Variants in ACCSL observed in about 807,000 individuals in gnomAD.
The protein encoded by ACCSL is probable inactive 1-aminocyclopropane-1-carboxylate synthase-like protein 2.
A neutral mutation model predicts 61.7 loss-of-function variants in ACCSL; 55 were observed. The observed-to-expected ratio is 0.89, with a 90% confidence interval of 0.72 to 1.12. The LOEUF (loss-of-function observed/expected upper bound fraction) is 1.12, where lower values mean the gene tolerates loss of function less well. Ranked by LOEUF, ACCSL falls within the 50% of genes most tolerant of loss-of-function variation. The pLI is 0.00. For synonymous variants in ACCSL, 258 were observed against 264.3 expected (o/e 0.98, Z 0.23); for missense variants, 632 against 698.0 (o/e 0.91, Z 1.07).
chr11:44,049,980 T>C (rs1344851336), intron 1 of ACCSL, 82 bp from the exon 2 acceptor site: 1 of 1,574,842 alleles, frequency 6.3e-7, no homozygotes, highest in African/African-American at 1.3e-5. Flanking sequence ...CAGTGAGATC[T>C]CCATTTGAAC....
chr11:44,004,544 T>C, the ACCSL span, among the ~76,000 whole-genome samples: 1 of 152,158 alleles, frequency 6.6e-6, no homozygotes, highest in African/African-American at 2.4e-5. Flanking sequence ...CTCAAGGGCA[T>C]GTACCTAGCT....
the ACCSL span, among the ~76,000 whole-genome samples, chr11:44,042,646 G>C: frequency 6.8e-6 from 1 of 147,370 alleles, no homozygotes; most frequent in African/African-American, 2.6e-5. Context: ...TGTTTGTTTT[G>C]TTTGTTTTTT....
the ACCSL span, among the ~76,000 whole-genome samples, chr11:43,970,791 T>C: frequency 6.6e-6 from 1 of 152,116 alleles, no homozygotes; most frequent in Non-Finnish European, 1.5e-5. Context: ...CTATCATGAG[T>C]TATATTGAGG....
upstream of ACCSL, among the ~76,000 whole-genome samples, chr11:44,047,190 G>A (rs977599751): frequency 1.3e-5 from 2 of 152,144 alleles, no homozygotes; most frequent in African/African-American, 2.4e-5. Flanking sequence ...GGACTTCAAA[G>A]TTTGAGAGCC....
At chr11:44,040,575 C>T in the ACCSL span, among the ~76,000 whole-genome samples, 1 of 152,136 alleles carries the variant, frequency 6.6e-6, no homozygotes, top group Non-Finnish European at 1.5e-5. Context: ...GTGGTAAACA[C>T]ATTCAGTGAG....
the ACCSL span, among the ~76,000 whole-genome samples, chr11:44,013,145 C>A: frequency 6.6e-6 from 1 of 152,074 alleles, no homozygotes; most frequent in East Asian, 1.9e-4. Flanking sequence ...AGAAAGAAGT[C>A]CAAGATACAC....
At chr11:43,926,638 T>G in the ACCSL span, 1 of 321,994 alleles carries the variant, frequency 3.1e-6, no homozygotes, top group Non-Finnish European at 6.2e-6. Flanking sequence ...AAAATTAGTT[T>G]TTTCTCCTTA....
At chr11:43,932,697 C>T in the ACCSL span, among the ~76,000 whole-genome samples, 2 of 152,252 alleles carry the variant, frequency 1.3e-5, no homozygotes, top group Non-Finnish European at 1.5e-5. Flanking sequence ...CAGGTGTCCT[C>T]AGCACCCACA....
chr11:44,045,576 C>A (rs1231875230), upstream of ACCSL, among the ~76,000 whole-genome samples: 1 of 152,132 alleles, frequency 6.6e-6, no homozygotes, highest in Non-Finnish European at 1.5e-5. Context: ...CTACTTTAAA[C>A]AAGTTTCCTC....
chr11:43,959,675 T>G, the ACCSL span, among the ~76,000 whole-genome samples: 1 of 152,190 alleles, frequency 6.6e-6, no homozygotes, highest in Non-Finnish European at 1.5e-5. Context: ...TCTCCTTCCC[T>G]GAGGGCCCTC....
upstream of ACCSL, among the ~76,000 whole-genome samples, chr11:44,047,432 C>A (rs1952605767): frequency 6.6e-6 from 1 of 152,168 alleles, no homozygotes; most frequent in Admixed American, 6.5e-5. Context: ...ATATTTTAGG[C>A]TTCGTGGACC....
At chr11:44,051,861 T>A in intron 5 of ACCSL, 142 bp downstream of exon 5, 1 of 904,620 alleles carries the variant, frequency 1.1e-6, no homozygotes, top group Non-Finnish European at 1.8e-6. Flanking sequence ...CCACACTGAC[T>A]AGGTTATCTT....
the ACCSL span, among the ~76,000 whole-genome samples, chr11:43,993,912 A>G: frequency 6.6e-6 from 1 of 152,214 alleles, no homozygotes; most frequent in Non-Finnish European, 1.5e-5. Flanking sequence ...CATGCAAGAA[A>G]AAGTATCCTG....
At chr11:44,006,219 G>A in the ACCSL span, among the ~76,000 whole-genome samples, 1 of 152,180 alleles carries the variant, frequency 6.6e-6, no homozygotes, top group African/African-American at 2.4e-5. Context: ...TAGGTGGGAG[G>A]GCAAAGCTCT....
In ACCSL at chr11:44,058,355, C is replaced by G; in HGVS notation, c.1366C>G (p.Arg456Gly). 1 of 1,614,066 alleles carries G rather than the reference C, an allele frequency of 6.2e-7. No homozygotes were observed. The highest frequency in any genetic ancestry group is 1.6e-4 in the Middle Eastern group (1 of 6,062). The change falls in exon 12 of 14, where the codon CGG becomes GGG. Residue 456 changes from arginine to glycine, a missense_variant. Coordinates refer to ENST00000378832, the MANE Select transcript of ACCSL (RefSeq NM_001031854.2). Reference protein sequence around the residue: ...DKVYLPTNCYRLREAHKYITA... With the variant: ...DKVYLPTNCYGLREAHKYITA... Reference sequence around the variant, plus strand: ...AGTATACCTACCCACCAATTGCTACCGGCTCCGGGAAGCTCACAAGTACAT... The same window carrying G: ...AGTATACCTACCCACCAATTGCTACGGGCTCCGGGAAGCTCACAAGTACAT...
At chr11:43,983,133 G>C in the ACCSL span, among the ~76,000 whole-genome samples, 2 of 152,190 alleles carry the variant, frequency 1.3e-5, no homozygotes, top group African/African-American at 4.8e-5. Context: ...CCACAGCCTT[G>C]CGTGCCCTAT....
chr11:43,986,612 C>G, the ACCSL span, among the ~76,000 whole-genome samples: 44 of 152,190 alleles, frequency 2.9e-4, 1 homozygote, highest in Non-Finnish European at 5.7e-4. Flanking sequence ...CCTGGAAAAA[C>G]TGTTTCCCTG....
intron 2 of ACCSL, 69 bp from the exon 3 acceptor site, chr11:44,050,483 A>G: frequency 7.2e-7 from 1 of 1,397,610 alleles, no homozygotes; most frequent in Non-Finnish European, 1.0e-6. Flanking sequence ...CTCATGTACA[A>G]ACTAGGAGTA....
chr11:43,999,489 G>A, the ACCSL span, among the ~76,000 whole-genome samples: 1 of 152,098 alleles, frequency 6.6e-6, no homozygotes, highest in Non-Finnish European at 1.5e-5. Context: ...AGGGTTTTTC[G>A]ACTGGGGTCT....
Sources: gnomAD v4.1 joint callset for allele counts (sites outside exome capture counted in the v4.1 genomes callset) on GRCh38, gnomAD v4.1.1 for gene constraint, MANE v1.5 for transcripts, NCBI Gene and HGNC (gene_info 2026-07-23, HGNC 2026-07-21) for gene names.